The following GON4L variants were observed in gnomAD, a reference collection of about 807,000 sequenced individuals.
The protein encoded by GON4L is gon-4 like, also known as GON-4-like protein.
GON4L carries 87 observed loss-of-function variants against 211.8 expected under a neutral mutation model. That is an observed-to-expected ratio of 0.41 (90% CI 0.35 to 0.49). The LOEUF is 0.49. GON4L is among the 20% of genes least tolerant of loss of function. GON4L has a pLI of 0.15. For synonymous variants in GON4L, 875 were observed against 962.6 expected (o/e 0.91, Z 1.68); for missense variants, 2,155 against 2,659.5 (o/e 0.81, Z 4.17).
At chr1:155,820,569 T>TA (rs202045916) in intron 6 of GON4L, 37 bp downstream of exon 6, 1,144 of 1,420,520 alleles carry the variant, frequency 8.1e-4, no homozygotes, top group African/African-American at 2.9e-3. Flanking sequence ...TTCACCAAGC[T>TA]AAAAAAAAAC....
At chr1:155,763,035 C>CA (rs1352174606) in intron 22 of GON4L, among the ~76,000 whole-genome samples, 208 of 139,256 alleles carry the variant, frequency 1.5e-3, no homozygotes, top group African/African-American at 4.0e-3. Flanking sequence ...GACTCCGTCT[C>CA]AAAAAAAAAA....
chr1:155,794,210 T>G (rs1011606695), intron 12 of GON4L, among the ~76,000 whole-genome samples: 5 of 152,272 alleles, frequency 3.3e-5, no homozygotes, highest in Non-Finnish European at 7.4e-5. Flanking sequence ...TAGCTGGGAT[T>G]ACAGGTGCCT....
rs1387095812 is a variant in GON4L at position 155,808,037 on chromosome 1, A to AT, written c.1453-2897dup. On this transcript the variant is annotated intron_variant, in intron 10 of 31. Transcript: ENST00000368331. ...ATATCACAAAAATCTTTTCTTATTT[A>AT]TTTATTTTTTTTTTTTTTTGAGATG... 3.1e-3 allele frequency among the ~76,000 whole-genome samples: 475 copies of AT among 151,166 alleles called. 3 individuals carry two copies. The highest frequency in any genetic ancestry group is 0.011 in the African/African-American group (464 of 41,052).
Position 155,777,636 on chromosome 1 carries a change from G to C in GON4L, c.2077C>G (p.Gln693Glu). ...AAAAGTCCTACCTGCTGCATCTGCT[G>C]CTGGAGTCTCTTCCTCTGTGCTGGG... ...LDPAQRKRLQ[Q>E]QMQQHVQLLT... is the part of the protein sequence containing the mutation. Residue 693 changes from glutamine to glutamate, a missense_variant, in exon 15 of 32, where the codon CAG (glutamine) becomes GAG (glutamate). Physicochemically the swap from Gln to Glu is conservative, Grantham distance 29. Coordinates refer to ENST00000368331, the MANE Select transcript of GON4L (RefSeq NM_001282860.2). 6.2e-7 allele frequency: 1 copy of C among 1,612,894 alleles called. No individual in the cohort carries two copies. Among genetic ancestry groups the C allele is most frequent in the Non-Finnish European group, 8.5e-7 (1 of 1,178,934 alleles).
At chr1:155,770,379 A>G (rs1388811863) in intron 19 of GON4L, among the ~76,000 whole-genome samples, 1 of 152,150 alleles carries the variant, frequency 6.6e-6, no homozygotes, top group Non-Finnish European at 1.5e-5. Context: ...AAAATAAAAT[A>G]ATGAGCTAGC....
At chr1:155,770,244 G>T (rs1663053171) in intron 19 of GON4L, among the ~76,000 whole-genome samples, 1 of 151,978 alleles carries the variant, frequency 6.6e-6, no homozygotes, top group Non-Finnish European at 1.5e-5. Flanking sequence ...AAAACAAAAG[G>T]CTGGGCATAG....
chr1:155,805,143 T>A lies in GON4L; in HGVS notation c.1453-2A>T. 1 of 1,607,046 alleles carries A rather than the reference T, an allele frequency of 6.2e-7. No homozygotes were observed. The highest frequency in any genetic ancestry group is 1.3e-5 in the African/African-American group (1 of 74,928). ...TGCAATGAGACTGTCATCCATGGGC[T>A]GGACAATGGAGAAAGAAAAGTCACT... On this transcript the variant is annotated splice_acceptor_variant, in intron 10 of 31. Transcript: ENST00000368331. LOFTEE classifies it high-confidence loss of function.
Position 155,775,156 on chromosome 1 carries a change from A to G in GON4L, c.2196T>C (p.Phe732=). The G allele has an allele frequency of 1.2e-6, 2 of 1,614,192 alleles. No individual in the cohort carries two copies. Among genetic ancestry groups the G allele is most frequent in the Non-Finnish European group, 1.7e-6 (2 of 1,180,038 alleles). ...TRIFLKELGT[F]AQSSIALHHQ... is the part of the protein sequence containing the mutation. ...GGTGAAGGGCGATGGAGCTTTGAGC[A>G]AAGGTTCCCAGCTCTTTCTGGGAAA... Residue 732 remains phenylalanine (F), a synonymous_variant, in exon 17 of 32, where the codon TTT becomes TTC. Coordinates refer to ENST00000368331, the MANE Select transcript of GON4L (RefSeq NM_001282860.2).
chr1:155,788,016 G>C (rs1247195182), intron 12 of GON4L, among the ~76,000 whole-genome samples: 1 of 152,090 alleles, frequency 6.6e-6, no homozygotes, highest in Non-Finnish European at 1.5e-5. Flanking sequence ...TTTTGAGACT[G>C]AGTCTCACTC....
chr1:155,761,555 G>T (rs920500019), intron 23 of GON4L, among the ~76,000 whole-genome samples: 2 of 150,314 alleles, frequency 1.3e-5, no homozygotes, highest in Non-Finnish European at 3.0e-5. Context: ...GAGTGCAGTG[G>T]TGCGATCTCG....
chr1:155,748,216 C>T (rs1419427933), downstream of GON4L: 11 of 1,402,022 alleles, frequency 7.8e-6, no homozygotes, highest in South Asian at 5.4e-5. Flanking sequence ...GGCTCTGTTC[C>T]TGAGGCCCGA....
At chr1:155,787,936 T>A (rs2101931873) in intron 12 of GON4L, among the ~76,000 whole-genome samples, 1 of 152,250 alleles carries the variant, frequency 6.6e-6, no homozygotes, top group Non-Finnish European at 1.5e-5. Flanking sequence ...AGAGTGAGAC[T>A]CTGTCTCAAA....
chr1:155,751,525 G>C (rs747114350), intron 31 of GON4L, among the ~76,000 whole-genome samples: 31 of 152,170 alleles, frequency 2.0e-4, no homozygotes, highest in Non-Finnish European at 4.0e-4. Context: ...CTCCAGCCTA[G>C]GCGACAAGTG....
intron 3 of GON4L, among the ~76,000 whole-genome samples, chr1:155,824,000 C>G (rs1054857960): frequency 6.6e-6 from 1 of 152,070 alleles, no homozygotes; most frequent in Non-Finnish European, 1.5e-5. Context: ...TTTAAGGATG[C>G]CCAAACTTAT....
At chr1:155,809,995 TATATATATA>T (rs1186415274) in intron 10 of GON4L, among the ~76,000 whole-genome samples, 5 of 4,822 alleles carry the variant, frequency 1.0e-3, no homozygotes, top group African/African-American at 1.2e-3. Context: ...TATATAATTA[TATATATATA>T]TATATTTTTG....
intron 11 of GON4L, among the ~76,000 whole-genome samples, chr1:155,796,334 G>C (rs1666065511): frequency 6.7e-6 from 1 of 150,170 alleles, no homozygotes; most frequent in East Asian, 1.9e-4. Flanking sequence ...TTGGAGTGCA[G>C]TGGCATGATC....
intron 12 of GON4L, among the ~76,000 whole-genome samples, chr1:155,788,470 G>A (rs1041753182): frequency 1.3e-5 from 2 of 151,942 alleles, no homozygotes; most frequent in Admixed American, 6.6e-5. Flanking sequence ...AATGAAATAC[G>A]GCTTTTCTAA....
chr1:155,798,872 TATTCTC>T (rs1162749628), intron 11 of GON4L, among the ~76,000 whole-genome samples: 11 of 152,106 alleles, frequency 7.2e-5, no homozygotes, highest in Non-Finnish European at 1.0e-4. Flanking sequence ...CAGCGAATAT[TATTCTC>T]AGAGCACTCA....
At chr1:155,745,387 T>C (rs1381836850), downstream of GON4L, among the ~76,000 whole-genome samples, 6 of 152,170 alleles carry the variant, frequency 3.9e-5, no homozygotes, top group East Asian at 7.7e-4. Flanking sequence ...TCTGAAGAGA[T>C]GAGGGGGCAT....
Sources: allele counts gnomAD v4.1 joint callset (sites outside exome capture counted in the v4.1 genomes callset), GRCh38; gene constraint gnomAD v4.1.1; transcripts MANE v1.5; gene names NCBI Gene and HGNC (gene_info 2026-07-23, HGNC 2026-07-21).